The following SPEF2 variants were observed in gnomAD, a reference collection of about 807,000 sequenced individuals.
The protein encoded by SPEF2 is sperm flagella and cilia-associated protein 2.
Under a neutral mutation model 224.6 loss-of-function variants are expected in SPEF2, and 187 were observed. That is an observed-to-expected ratio of 0.83 (90% CI 0.74 to 0.94). The LOEUF is 0.94. Ranked by LOEUF, SPEF2 falls within the 40% of genes least tolerant of loss-of-function variation. The probability of loss-of-function intolerance (pLI) is 0.00; values close to 1 mark genes in which losing one functional copy is unlikely to be tolerated. For synonymous variants in SPEF2, 715 were observed against 707.3 expected, an observed-to-expected ratio of 1.01 and a Z score of -0.17; for missense variants, 2,170 against 2,135.6, an observed-to-expected ratio of 1.02 and a Z score of -0.32.
intron 26 of SPEF2, among the ~76,000 whole-genome samples, chr5:35,767,246 C>A (rs1220376519): frequency 6.6e-6 from 1 of 151,864 alleles, no homozygotes; most frequent in African/African-American, 2.4e-5. Context: ...TGAAATCTTT[C>A]TGGTGGAATG....
intron 19 of SPEF2, 130 bp downstream of exon 19, chr5:35,709,251 C>G: frequency 6.7e-7 from 1 of 1,483,144 alleles, no homozygotes; most frequent in Non-Finnish European, 8.9e-7. Context: ...GCTTTACACT[C>G]AGATGGAAGT....
chr5:35,753,465 A>T (rs1749985515), intron 23 of SPEF2, among the ~76,000 whole-genome samples, 159 bp from the exon 24 acceptor site: 1 of 152,182 alleles, frequency 6.6e-6, no homozygotes, highest in Admixed American at 6.6e-5. Flanking sequence ...ACTCAAGATG[A>T]ATATTGGTTG....
intron 23 of SPEF2, among the ~76,000 whole-genome samples, chr5:35,747,165 G>A (rs1384299862): frequency 2.6e-5 from 4 of 152,080 alleles, no homozygotes; most frequent in Non-Finnish European, 5.9e-5. Context: ...AGAAAAAGGA[G>A]CTCTAAATCT....
chr5:35,650,019 T>C (rs1747952760), intron 6 of SPEF2, among the ~76,000 whole-genome samples: 1 of 152,108 alleles, frequency 6.6e-6, no homozygotes, highest in South Asian at 2.1e-4. Context: ...ACAACTTGGG[T>C]TTTTTTATAT....
At chr5:35,663,505 A>G (rs548199905) in intron 8 of SPEF2, among the ~76,000 whole-genome samples, 1 of 152,300 alleles carries the variant, frequency 6.6e-6, no homozygotes, top group Admixed American at 6.5e-5. Context: ...CCCACCTGAA[A>G]GCTGCTTCAC....
intron 8 of SPEF2, among the ~76,000 whole-genome samples, chr5:35,662,142 C>G (rs1196194554): frequency 6.6e-6 from 1 of 152,092 alleles, no homozygotes; most frequent in East Asian, 1.9e-4. Context: ...GATGGTATCT[C>G]ATTATGGTTT....
intron 1 of SPEF2, among the ~76,000 whole-genome samples, chr5:35,622,632 C>T (rs1217747845): frequency 6.6e-6 from 1 of 152,148 alleles, no homozygotes; most frequent in Non-Finnish European, 1.5e-5. Flanking sequence ...AAACCTTACA[C>T]ATTTTCTCAT....
At chr5:35,678,622 C>G (rs1018854187) in intron 10 of SPEF2, 5 of 152,256 alleles carry the variant, frequency 3.3e-5, no homozygotes, top group African/African-American at 1.2e-4. Flanking sequence ...CTTCCAGGCT[C>G]ATGCAACAGG....
intron 20 of SPEF2, among the ~76,000 whole-genome samples, chr5:35,718,032 C>G (rs754638489): frequency 5.6e-4 from 85 of 152,042 alleles, no homozygotes; most frequent in Non-Finnish European, 1.1e-3. Flanking sequence ...GGCCTGAAGG[C>G]AAGAGCAGAC....
chr5:35,733,316 G>A (rs372130535), intron 21 of SPEF2, among the ~76,000 whole-genome samples: 4 of 152,016 alleles, frequency 2.6e-5, no homozygotes, highest in Non-Finnish European at 5.9e-5. Flanking sequence ...GGGTTTTACC[G>A]TGTTAGCCAG....
chr5:35,767,897 T>C (rs58390944), intron 26 of SPEF2, among the ~76,000 whole-genome samples: 5,537 of 152,116 alleles, frequency 0.036, 297 homozygotes, highest in South Asian at 0.12. Flanking sequence ...AGGTCTTCAG[T>C]GTTAGTTTCT....
chr5:35,676,921 G>A lies in SPEF2; in HGVS notation c.1524+6694G>A, dbSNP rs529859748. ...ACCCCCCACACCACCACCCCTGTCC[G>A]GTGTCAGGACTTAGCCATATTATTT... On this transcript the variant is annotated intron_variant, in intron 10 of 36. Coordinates refer to ENST00000356031, the MANE Select transcript of SPEF2 (RefSeq NM_024867.4). Among the ~76,000 whole-genome samples the A allele has an allele frequency of 7.9e-5, 12 of 152,096 alleles. No individual in the cohort carries two copies. The South Asian group carries it at 1.5e-3, about 18-fold the overall frequency.
In SPEF2 at chr5:35,807,356, T is replaced by C. The variant is rs1402742542; in HGVS notation, c.5379+103T>C. 4 of 1,463,720 alleles carry C rather than the reference T, an allele frequency of 2.7e-6. No individual in the cohort carries two copies. The Admixed American group carries it at 6.7e-5, about 25-fold the overall frequency. The allele number at this position is 1,463,720 out of a possible 1,614,324, so 90.7% of individuals were successfully genotyped here. On this transcript the variant is annotated intron_variant, in intron 36 of 36. Transcript: ENST00000356031. ...GGCATGGAAGAGAAAGAAGCTGTACTCTGCCAGGCCAGGCCAGAATCTGGA... is the reference window on the plus strand; with the variant it reads ...GGCATGGAAGAGAAAGAAGCTGTACCCTGCCAGGCCAGGCCAGAATCTGGA...
At chr5:35,774,375 T>A (rs546681286) in intron 28 of SPEF2, among the ~76,000 whole-genome samples, 218 of 152,296 alleles carry the variant, frequency 1.4e-3, no homozygotes, top group African/African-American at 5.0e-3. Context: ...TTTACAGGTT[T>A]AGATAGGGAC....
intron 18 of SPEF2, among the ~76,000 whole-genome samples, chr5:35,707,045 G>A (rs577999723): frequency 2.3e-4 from 35 of 152,260 alleles, no homozygotes; most frequent in African/African-American, 7.7e-4. Flanking sequence ...TACATTAATA[G>A]ACTCAGTTAT....
rs1452779919 is a variant in SPEF2 at position 35,661,250 on chromosome 5, T to G, written c.1167+2043T>G. 1.1e-4 allele frequency among the ~76,000 whole-genome samples: 8 copies of G among 75,498 alleles called. No individual in the cohort carries two copies. The South Asian group carries it at 3.8e-3, about 36-fold the overall frequency. The allele number at this position is 75,498 out of a possible 152,430, so 49.5% of individuals were successfully genotyped here. A position where few individuals can be genotyped will look rare whatever the true frequency, so the allele number is the denominator to read the frequency against. On this transcript the variant is annotated intron_variant, in intron 8 of 36. Coordinates refer to ENST00000356031, the MANE Select transcript of SPEF2 (RefSeq NM_024867.4). ...AAGAAAGGAGGTTTTTTTTTTGGTA[T>G]ATATTATATATATATATATATATAT...
At position 35,700,741 on chromosome 5, in the gene SPEF2, A is replaced by G; in HGVS notation, c.2387A>G (p.Asn796Ser). The G allele has an allele frequency of 6.2e-7, 1 of 1,613,878 alleles. No homozygotes were observed. Among genetic ancestry groups the G allele is most frequent in the Non-Finnish European group, 8.5e-7 (1 of 1,179,852 alleles). ...GATACTTCCTCAATGAGTCGCATGA[A>G]TGATATTATAGGTAAGCTGGACACC... ...VSDTSSMSRM[N>S]DIIAEELSYK... is the part of the protein sequence containing the mutation. The change falls in exon 16 of 37, where the codon AAT becomes AGT. Residue 796 changes from asparagine (N) to serine (S), a missense_variant. Transcript: ENST00000356031.
chr5:35,701,767 C>G (rs899276943), intron 16 of SPEF2, among the ~76,000 whole-genome samples: 1 of 152,018 alleles, frequency 6.6e-6, no homozygotes, highest in Non-Finnish European at 1.5e-5. Context: ...ATACTCGAGC[C>G]CAGGAGTTTG....
Position 35,727,703 on chromosome 5 carries a change from A to G in SPEF2, c.2943A>G (p.Gly981=). ...CTCCTAAAGGAAAATCATCAGGAGG[A>G]AAAGTACCAGTAAAGAAATCACCTG... ...KGSPKGKSSG[G]KVPVKKSPAD... is the part of the protein sequence containing the mutation. Residue 981 remains glycine (G), a synonymous_variant, in exon 21 of 37, where the codon GGA becomes GGG. Coordinates refer to ENST00000356031, the MANE Select transcript of SPEF2 (RefSeq NM_024867.4). The G allele has an allele frequency of 6.2e-7, 1 of 1,613,664 alleles. No homozygotes were observed. The highest frequency in any genetic ancestry group is 8.5e-7 in the Non-Finnish European group (1 of 1,179,756).
Sources: allele counts gnomAD v4.1 joint callset (sites outside exome capture counted in the v4.1 genomes callset), GRCh38; gene constraint gnomAD v4.1.1; transcripts MANE v1.5; gene names NCBI Gene and HGNC (gene_info 2026-07-23, HGNC 2026-07-21).